Variants in TFDP2 observed in about 807,000 individuals in gnomAD.
TFDP2 encodes the protein transcription factor Dp-2 (E2F dimerization partner 2).
Under a neutral mutation model 59.3 loss-of-function variants are expected in TFDP2, and 17 were observed. The observed-to-expected ratio is 0.29, with a 90% CI of 0.20 to 0.43. TFDP2 has a LOEUF of 0.43. Ranked by LOEUF, TFDP2 falls within the 20% of genes least tolerant of loss-of-function variation. The pLI, the probability that TFDP2 is intolerant of heterozygous loss-of-function variation, is 1.00. For missense variants in TFDP2, 391 were observed against 528.8 expected, an observed-to-expected ratio of 0.74 and a Z score of 2.56; for synonymous variants, 180 against 194.7, an observed-to-expected ratio of 0.92 and a Z score of 0.63.
At chr3:142,016,775 C>T (rs541410183) in intron 3 of TFDP2, among the ~76,000 whole-genome samples, 26 of 152,298 alleles carry the variant, frequency 1.7e-4, no homozygotes, top group Admixed American at 8.5e-4. Context: ...ACTGATTTAT[C>T]CTCCACACAG....
intron 1 of TFDP2, chr3:142,126,155 TG>T (rs905462752): frequency 2.8e-4 from 42 of 151,768 alleles, no homozygotes; most frequent in African/African-American, 8.9e-4. Context: ...TTACCAGTCA[TG>T]GGGTTCCCAG....
chr3:142,018,240 G>A (rs1043333768), intron 3 of TFDP2, among the ~76,000 whole-genome samples: 3 of 152,070 alleles, frequency 2.0e-5, no homozygotes, highest in African/African-American at 7.2e-5. Flanking sequence ...CACCGTACCA[G>A]GCCTCAATGT....
intron 1 of TFDP2, among the ~76,000 whole-genome samples, chr3:142,115,457 T>C (rs1234752787): frequency 2.0e-5 from 3 of 151,982 alleles, no homozygotes; most frequent in African/African-American, 7.2e-5. Flanking sequence ...TAGCTGGGAC[T>C]ACAGGCGCCC....
At chr3:142,092,986 T>C (rs1576962814) in intron 3 of TFDP2, 75 bp downstream of exon 3, 1 of 968,276 alleles carries the variant, frequency 1.0e-6, no homozygotes, top group Non-Finnish European at 1.5e-6. Flanking sequence ...AAGTAATTCA[T>C]GTAGCTGCAT....
intron 1 of TFDP2, among the ~76,000 whole-genome samples, chr3:142,108,452 C>T (rs183869513): frequency 3.3e-5 from 5 of 152,224 alleles, no homozygotes; most frequent in Admixed American, 2.0e-4. Context: ...TCAAGTGACC[C>T]GCCCACCTCG....
intron 9 of TFDP2, among the ~76,000 whole-genome samples, chr3:141,968,551 C>A (rs1172692258): frequency 1.0e-5 from 1 of 97,450 alleles, no homozygotes; most frequent in African/African-American, 5.4e-5. Context: ...ATATATATAT[C>A]TCATATATAT....
Position 142,005,523 on chromosome 3 carries a change from A to T in TFDP2, c.104T>A (p.Phe35Tyr). 2 of 1,598,892 alleles carry T rather than the reference A, an allele frequency of 1.3e-6. No individual in the cohort carries two copies. The highest frequency in any genetic ancestry group is 1.7e-6 in the Non-Finnish European group (2 of 1,170,226). The change falls in exon 4 of 13, where the codon TTT becomes TAT. Residue 35 changes from phenylalanine to tyrosine, a missense_variant. By Grantham distance (22) the Phe-to-Tyr change is conservative (BLOSUM62 3). This residue lies in a region of TFDP2 where 162 missense variants were observed against 206.8 expected (regional missense o/e 0.78). Coordinates refer to ENST00000489671, the MANE Select transcript of TFDP2 (RefSeq NM_001178139.2). ...PTKGNISFVA[F>Y]PVSNTNSPTK... ...AGGTGAGTTGGTATTGGAAACTGGAAATGCAACAAATGAAATGTTGCCTGA... is the reference window on the plus strand; with the variant it reads ...AGGTGAGTTGGTATTGGAAACTGGATATGCAACAAATGAAATGTTGCCTGA...
At chr3:142,104,695 A>T (rs4683420) in intron 1 of TFDP2, among the ~76,000 whole-genome samples, 67,789 of 139,296 alleles carry the variant, frequency 0.49, 16,946 homozygotes, top group East Asian at 0.73. Flanking sequence ...ATGAAAATTT[A>T]AAAAAACTTA....
At chr3:142,108,453 G>C (rs1025797353) in intron 1 of TFDP2, among the ~76,000 whole-genome samples, 1 of 151,892 alleles carries the variant, frequency 6.6e-6, no homozygotes, top group Non-Finnish European at 1.5e-5. Context: ...CAAGTGACCC[G>C]CCCACCTCGG....
intron 3 of TFDP2, among the ~76,000 whole-genome samples, chr3:142,052,580 G>A (rs947230098): frequency 1.3e-5 from 2 of 151,926 alleles, no homozygotes; most frequent in Non-Finnish European, 2.9e-5. Flanking sequence ...TATTGGCTTA[G>A]GCAAAAATTT....
At chr3:141,985,259 T>C (rs1186994842) in intron 6 of TFDP2, among the ~76,000 whole-genome samples, 3 of 152,140 alleles carry the variant, frequency 2.0e-5, no homozygotes, top group Non-Finnish European at 4.4e-5. Flanking sequence ...CCAAGCACAG[T>C]GGCTCAAGTC....
intron 4 of TFDP2, among the ~76,000 whole-genome samples, chr3:141,996,842 G>C (rs73872533): frequency 0.052 from 7,925 of 152,234 alleles, 681 homozygotes; most frequent in African/African-American, 0.18. Flanking sequence ...TTATGAAATA[G>C]TTTCAATCCG....
chr3:142,071,164 T>G (rs1277040999), intron 3 of TFDP2, among the ~76,000 whole-genome samples: 1 of 152,006 alleles, frequency 6.6e-6, no homozygotes, highest in Non-Finnish European at 1.5e-5. Context: ...TAAAGGAGTT[T>G]TTTTTTTTTT....
chr3:142,068,567 CT>C (rs1020201040), intron 3 of TFDP2, among the ~76,000 whole-genome samples: 347 of 143,782 alleles, frequency 2.4e-3, no homozygotes, highest in Admixed American at 2.7e-3. Flanking sequence ...TTATTTCTCA[CT>C]TTTTTTTTTT....
chr3:142,008,092 G>A (rs556178180), intron 3 of TFDP2, among the ~76,000 whole-genome samples: 293 of 152,200 alleles, frequency 1.9e-3, no homozygotes, highest in Non-Finnish European at 3.5e-3. Flanking sequence ...TGGCTGTCCG[G>A]TGGAATCACC....
intron 1 of TFDP2, among the ~76,000 whole-genome samples, chr3:142,144,523 TTATTTATTTATTCC>T (rs2063092611): frequency 6.6e-6 from 1 of 152,068 alleles, no homozygotes; most frequent in South Asian, 2.1e-4. Context: ...AAATACTTAG[TTATTTATTTATTCC>T]TATTTATTTA....
In TFDP2 at chr3:142,101,735, A is replaced by G; in HGVS notation, c.15T>C (p.Asn5=). The change falls in exon 2 of 13, where the codon AAT becomes AAC. Residue 5 remains asparagine, a splice_region_variant and synonymous_variant. Coordinates refer to ENST00000489671, the MANE Select transcript of TFDP2 (RefSeq NM_001178139.2). The stretch of plus-strand genomic sequence containing the variant: ...CATTAAAAAATTTACAAATACTTAC[A>G]TTTTTTGCCGTCATGTCAAACTGTA... The part of the protein sequence containing the change: MTAK[N]VGLTSTNAEV... 1 of 1,364,826 alleles carries G rather than the reference A, an allele frequency of 7.3e-7. No homozygotes were observed. The highest frequency in any genetic ancestry group is 1.6e-5 in the South Asian group (1 of 61,850). 84.5% of individuals were successfully genotyped at this position (1,364,826 alleles called of 1,614,324 possible).
intron 1 of TFDP2, among the ~76,000 whole-genome samples, chr3:142,119,320 C>T (rs2061956295): frequency 6.6e-6 from 1 of 152,008 alleles, no homozygotes; most frequent in Non-Finnish European, 1.5e-5. Context: ...TCAGTGTATC[C>T]GAGCAAAAAG....
chr3:142,101,374 AT>A (rs1437110176), intron 2 of TFDP2, among the ~76,000 whole-genome samples: 8 of 151,130 alleles, frequency 5.3e-5, no homozygotes, highest in Middle Eastern at 3.4e-3. Context: ...AAAAAAAAAA[AT>A]AAGCCAAAGA....
Sources: allele counts gnomAD v4.1 joint callset (sites outside exome capture counted in the v4.1 genomes callset), GRCh38; gene constraint gnomAD v4.1.1; regional missense constraint gnomAD v4.1.1; transcripts MANE v1.5; gene names NCBI Gene and HGNC (gene_info 2026-07-23, HGNC 2026-07-21).